ACADM: variants seen among roughly 807,000 people sequenced by gnomAD.
ACADM encodes medium-chain specific acyl-CoA dehydrogenase, mitochondrial.
Under a neutral mutation model 58.9 loss-of-function variants are expected in ACADM, and 49 were observed. The ratio of observed to expected loss-of-function variants is 0.83; its 90% CI spans 0.66 to 1.06. ACADM has a LOEUF of 1.06. ACADM is among the 50% of genes least tolerant of loss of function. The probability of loss-of-function intolerance (pLI) is 0.00; values close to 1 mark genes in which losing one functional copy is unlikely to be tolerated. For missense variants in ACADM, 496 were observed against 507.0 expected (o/e 0.98, Z 0.21); for synonymous variants, 160 against 157.7 (o/e 1.01, Z -0.11).
intron 7 of ACADM, chr1:75,744,848 C>A: frequency 2.3e-6 from 1 of 444,338 alleles, no homozygotes; most frequent in Non-Finnish European, 4.2e-6. Context: ...TTCAAGATAG[C>A]ATGCCCCTTA....
At chr1:75,749,912 G>A (rs1648110545) in intron 9 of ACADM, among the ~76,000 whole-genome samples, 1 of 151,598 alleles carries the variant, frequency 6.6e-6, no homozygotes, top group African/African-American at 2.4e-5. Flanking sequence ...GGGGTTTCAT[G>A]ATGTTGGCCA....
At chr1:75,728,594 G>A (rs1051797979) in intron 2 of ACADM, 106 bp downstream of exon 2, 11 of 806,028 alleles carry the variant, frequency 1.4e-5, no homozygotes, top group Non-Finnish European at 1.9e-5. Flanking sequence ...CTTTCAATGA[G>A]TAGAACCAGT....
chr1:75,744,143 T>C, intron 7 of ACADM: 6 of 1,577,582 alleles, frequency 3.8e-6, no homozygotes, highest in Non-Finnish European at 4.4e-6. Context: ...AGCTCCTGGC[T>C]CAGCTAGTGG....
At position 75,761,386 on chromosome 1, in the gene ACADM, A is replaced by G. The variant is rs1648848667; in HGVS notation, c.1194+16A>G. The G allele has an allele frequency of 1.2e-6, 2 of 1,613,222 alleles. No individual in the cohort carries two copies. Among genetic ancestry groups the G allele is most frequent in the South Asian group, 1.1e-5 (1 of 91,074 alleles). On this transcript the variant is annotated intron_variant, in intron 11 of 11. Transcript: ENST00000370841. Reference sequence around the variant, plus strand: ...AATCTATCAGGTAAGGTTAAAGATGATTTTTTTGGTTTGCAAGGAGAGAGA... The same window carrying G: ...AATCTATCAGGTAAGGTTAAAGATGGTTTTTTTGGTTTGCAAGGAGAGAGA...
At chr1:75,729,295 CTTTTTTTTTTT>C (rs35372302) in intron 2 of ACADM, among the ~76,000 whole-genome samples, 3 of 85,354 alleles carry the variant, frequency 3.5e-5, no homozygotes, top group African/African-American at 5.1e-5. Context: ...TTTCTTTTTT[CTTTTTTTTTTT>C]TTTTTTAAGA....
At position 75,749,709 on chromosome 1, in the gene ACADM, TTTC is replaced by T. The variant is rs1381740838; in HGVS notation, c.849+153_849+155del. On this transcript the variant is annotated intron_variant, in intron 9 of 11. Coordinates refer to ENST00000370841, the MANE Select transcript of ACADM (RefSeq NM_000016.6). ...TATAGGAAAAATACTGTTACTTTTC[TTTC>T]TTTTTTTTTTTTTTTTTTTGAGACA... 1.6e-4 allele frequency: 117 copies of T among 730,562 alleles called. 1 individual carries two copies. In the African/African-American group the frequency reaches 2.1e-3, roughly 13 times the overall value. 45.3% of individuals were successfully genotyped at this position (730,562 alleles called of 1,614,324 possible).
Position 75,762,989 on chromosome 1 carries a change from G to C in ACADM, c.*226G>C. ...TGTTTTCTTTAGTACCACTTTACTTGAATTACATTAACCTAGAAAACTACA... is the reference window on the plus strand; with the variant it reads ...TGTTTTCTTTAGTACCACTTTACTTCAATTACATTAACCTAGAAAACTACA... On this transcript the variant is annotated 3_prime_UTR_variant, in exon 12 of 12. Coordinates refer to ENST00000370841, the MANE Select transcript of ACADM (RefSeq NM_000016.6). The C allele has an allele frequency of 2.5e-5, 9 of 363,144 alleles. 1 individual carries two copies. In the South Asian group the frequency reaches 3.9e-4, roughly 16 times the overall value. 22.5% of individuals were successfully genotyped at this position (363,144 alleles called of 1,614,324 possible). A position where few individuals can be genotyped will look rare whatever the true frequency, so the allele number is the denominator to read the frequency against.
chr1:75,743,387 A>C (rs766420974), intron 7 of ACADM: 1 of 1,600,162 alleles, frequency 6.2e-7, no homozygotes, highest in South Asian at 1.1e-5. Flanking sequence ...CAGTTCCTGC[A>C]TGATCAATTT....
intron 7 of ACADM, among the ~76,000 whole-genome samples, chr1:75,741,528 G>A (rs1158019514): frequency 6.6e-6 from 1 of 152,320 alleles, no homozygotes; most frequent in Admixed American, 6.5e-5. Context: ...TTTGGAGGCT[G>A]AGGCAGGAGG....
intron 7 of ACADM, among the ~76,000 whole-genome samples, chr1:75,742,902 TGAA>T (rs1169904038): frequency 1.4e-5 from 2 of 144,714 alleles, no homozygotes; most frequent in African/African-American, 5.0e-5. Context: ...AAGGTGCCAT[TGAA>T]GAAGGAAAGC....
chr1:75,749,537 C>CTT lies in ACADM; in HGVS notation c.830_831dup (p.Asp278LeufsTer7). On this transcript the variant is annotated frameshift_variant, in exon 9 of 12. Transcript: ENST00000370841. LOFTEE classifies it high-confidence loss of function. ...GCTGGTTTCAAAGTTGCAATGGGAG[C>CTT]TTTTGATAAAACCAGACCTGTAGTA... The CTT allele has an allele frequency of 6.2e-7, 1 of 1,613,906 alleles. No homozygotes were observed. Among genetic ancestry groups the CTT allele is most frequent in the South Asian group, 1.1e-5 (1 of 91,070 alleles).
At chr1:75,738,255 G>A (rs959048063) in intron 6 of ACADM, among the ~76,000 whole-genome samples, 3 of 150,842 alleles carry the variant, frequency 2.0e-5, no homozygotes, top group Non-Finnish European at 4.4e-5. Context: ...ATGGAGTCTC[G>A]CTCTGTTGCC....
In ACADM at chr1:75,724,795, C is replaced by T. The variant is rs758001595; in HGVS notation, c.8C>T (p.Ala3Val). 1.3e-6 allele frequency: 2 copies of T among 1,519,800 alleles called. No individual in the cohort carries two copies. Among genetic ancestry groups the T allele is most frequent in the African/African-American group, 1.4e-5 (1 of 69,978 alleles). 94.1% of individuals were successfully genotyped at this position (1,519,800 alleles called of 1,614,324 possible). The stretch of plus-strand genomic sequence containing the variant: ...GCCGGAACGGGAGCCAACATGGCAG[C>T]GGGGTTCGGGCGATGCTGCAGGGTG... The part of the protein sequence containing the change: MA[A>V]GFGRCCRVLR... The change falls in exon 1 of 12, where the codon GCG (alanine) becomes GTG (valine). Residue 3 changes from alanine (A) to valine (V), a missense_variant. Transcript: ENST00000370841.
chr1:75,751,746 G>A (rs1327793054), intron 10 of ACADM, among the ~76,000 whole-genome samples: 1 of 151,994 alleles, frequency 6.6e-6, no homozygotes, highest in Non-Finnish European at 1.5e-5. Flanking sequence ...TGATCTGCCT[G>A]CCTCGGCCTC....
intron 7 of ACADM, 155 bp from the exon 8 acceptor site, chr1:75,745,651 G>T (rs546555632): frequency 1.5e-6 from 1 of 685,966 alleles, no homozygotes; most frequent in Non-Finnish European, 2.6e-6. Context: ...TACTAGGTAC[G>T]TGACTAGGCA....
intron 6 of ACADM, among the ~76,000 whole-genome samples, chr1:75,736,176 A>ACACACACG: frequency 6.7e-6 from 1 of 149,516 alleles, no homozygotes; most frequent in South Asian, 2.1e-4. Flanking sequence ...ACAGACATAC[A>ACACACACG]CACACACACA....
In ACADM at chr1:75,732,847, T is replaced by C; in HGVS notation, c.217-6T>C. ...ATATATTTTAACTCAGTTCTTTTTCTTCTAGTATCCAGTCCCCCTAATTAG... is the reference window on the plus strand; with the variant it reads ...ATATATTTTAACTCAGTTCTTTTTCCTCTAGTATCCAGTCCCCCTAATTAG... On this transcript the variant is annotated splice_region_variant and splice_polypyrimidine_tract_variant and intron_variant, in intron 3 of 11. Coordinates refer to ENST00000370841, the MANE Select transcript of ACADM (RefSeq NM_000016.6). The C allele has an allele frequency of 6.2e-7, 1 of 1,612,762 alleles. No homozygotes were observed. The highest frequency in any genetic ancestry group is 8.5e-7 in the Non-Finnish European group (1 of 1,178,784).
In ACADM at chr1:75,745,816, T is replaced by C. The variant is rs776993753; in HGVS notation, c.610T>C (p.Leu204=). ...ATGTGTATCTCTTAGGTATTTTTTA[T>C]TGGCACGTTCTGATCCAGATCCTAA... The part of the protein sequence containing the change: ...NGGKANWYFL[L]ARSDPDPKAP... Residue 204 remains leucine (L), a synonymous_variant, in exon 8 of 12, where the codon TTG becomes CTG. Coordinates refer to ENST00000370841, the MANE Select transcript of ACADM (RefSeq NM_000016.6). 4 of 1,613,132 alleles carry C rather than the reference T, an allele frequency of 2.5e-6. No homozygotes were observed. Among genetic ancestry groups the C allele is most frequent in the African/African-American group, 1.3e-5 (1 of 74,910 alleles).
rs768452911 is a variant in ACADM, at chr1:75,728,461, C to G, written c.91C>G (p.Arg31Gly). ...ACAGCATACAAAAGCCAATCGACAA[C>G]GTGAACCAGGATTAGGATTTAGTTT... The part of the protein sequence containing the change: ...RSQHTKANRQ[R>G]EPGLGFSFEF... The change falls in exon 2 of 12, where the codon CGT (arginine) becomes GGT (glycine). Residue 31 changes from arginine to glycine, a missense_variant. By Grantham distance (125) the Arg-to-Gly change is moderately radical. Transcript: ENST00000370841. 1 of 1,613,218 alleles carries G rather than the reference C, an allele frequency of 6.2e-7. No homozygotes were observed. Among genetic ancestry groups the G allele is most frequent in the East Asian group, 2.2e-5 (1 of 44,772 alleles).
Sources: allele counts gnomAD v4.1 joint callset (sites outside exome capture counted in the v4.1 genomes callset), GRCh38; gene constraint gnomAD v4.1.1; transcripts MANE v1.5; gene names NCBI Gene and HGNC (gene_info 2026-07-23, HGNC 2026-07-21).